The following TEPSIN variants were observed in gnomAD, a reference collection of about 807,000 sequenced individuals.
The protein encoded by TEPSIN is AP-4 complex accessory subunit tepsin.
In TEPSIN, 50 loss-of-function variants were observed where a neutral mutation model predicts 48.5. The observed-to-expected ratio is 1.03, with a 90% CI of 0.82 to 1.31. The LOEUF (loss-of-function observed/expected upper bound fraction) is 1.31. Ranked by LOEUF, TEPSIN falls within the 50% of genes most tolerant of loss-of-function variation. The pLI, the probability that TEPSIN is intolerant of heterozygous loss-of-function variation, is 0.00. For synonymous variants in TEPSIN, 392 were observed against 358.8 expected (o/e 1.09, Z -1.05); for missense variants, 838 against 815.9 (o/e 1.03, Z -0.33).
At chr17:81,237,335 G>A (rs2062741418) in intron 2 of TEPSIN, 52 bp downstream of exon 2, 2 of 1,580,132 alleles carry the variant, frequency 1.3e-6, no homozygotes, top group African/African-American at 1.3e-5. Context: ...GCACCACTCT[G>A]GGACCCTGCC....
rs1050408981 is a variant in TEPSIN at position 81,238,926 on chromosome 17, G to A, written c.48+60C>T. 3.6e-6 allele frequency: 5 copies of A among 1,400,682 alleles called. No homozygotes were observed. In the African/African-American group the frequency reaches 6.1e-5, roughly 17 times the overall value. The allele number at this position is 1,400,682 out of a possible 1,614,324, so 86.8% of individuals were successfully genotyped here. On this transcript the variant is annotated intron_variant, in intron 1 of 12. Transcript: ENST00000637944. ...TGGCTCCGGCCCGGGGCGAGTCCGG[G>A]GAATGCGGCGCTCGAGAGGAGCCGT...
chr17:81,237,353 C>A, intron 2 of TEPSIN, 34 bp downstream of exon 2: 2 of 1,603,274 alleles, frequency 1.2e-6, no homozygotes, highest in South Asian at 1.1e-5. Flanking sequence ...GCCATCCGCT[C>A]TTTCCACTAC....
chr17:81,235,295 T>C (rs1298556204), intron 4 of TEPSIN, among the ~76,000 whole-genome samples: 1 of 152,238 alleles, frequency 6.6e-6, no homozygotes, highest in East Asian at 1.9e-4. Flanking sequence ...CTGCGTTTTC[T>C]TTCCTCTTTC....
chr17:81,229,764 C>T, intron 12 of TEPSIN: 1 of 477,122 alleles, frequency 2.1e-6, no homozygotes, highest in Non-Finnish European at 3.7e-6. Flanking sequence ...CCCGTCATAA[C>T]CCGCCAGGCA....
At chr17:81,236,517 G>A (rs2062722996) in intron 4 of TEPSIN, 191 bp downstream of exon 4, 4 of 656,634 alleles carry the variant, frequency 6.1e-6, no homozygotes, top group Non-Finnish European at 1.0e-5. Flanking sequence ...GAGCCGGCCA[G>A]CTGGGGTGAG....
At chr17:81,236,868 G>T in intron 3 of TEPSIN, 67 bp from the exon 4 acceptor site, 2 of 1,538,454 alleles carry the variant, frequency 1.3e-6, no homozygotes, top group South Asian at 2.4e-5. Flanking sequence ...AGGGCCCGGG[G>T]GCACCCCAAG....
At chr17:81,236,866 G>A in intron 3 of TEPSIN, 65 bp from the exon 4 acceptor site, 1 of 1,539,588 alleles carries the variant, frequency 6.5e-7, no homozygotes, top group Non-Finnish European at 8.8e-7. Context: ...GCAGGGCCCG[G>A]GGGCACCCCA....
intron 11 of TEPSIN, 53 bp downstream of exon 11, chr17:81,231,345 G>A (rs1024140187): frequency 1.5e-4 from 213 of 1,452,832 alleles, no homozygotes; most frequent in Middle Eastern, 2.5e-4. Context: ...GCACACACAC[G>A]CACACAGGCA....
At chr17:81,238,838 C>G (rs2146858720) in intron 1 of TEPSIN, 148 bp downstream of exon 1, 1 of 1,349,548 alleles carries the variant, frequency 7.4e-7, no homozygotes, top group East Asian at 3.1e-5. Context: ...GCGGGCAGCT[C>G]AGGGGCGTCG....
Position 81,229,068 on chromosome 17 carries a change from G to C in TEPSIN, c.1642C>G (p.Pro548Ala). ...GCAGCCCCAGCCCCCACCAGGCGGGGACAGGCCACCAGCTCCATGCCAGCA... is the reference window on the plus strand; with the variant it reads ...GCAGCCCCAGCCCCCACCAGGCGGGCACAGGCCACCAGCTCCATGCCAGCA... ...LFAGMELVAC[P>A]RLVGAGAAAG... The change falls in exon 13 of 13, where the codon CCC (proline) becomes GCC (alanine). Residue 548 changes from proline to alanine, a missense_variant. Transcript: ENST00000637944. 1 of 1,613,570 alleles carries C rather than the reference G, an allele frequency of 6.2e-7. No individual in the cohort carries two copies. The highest frequency in any genetic ancestry group is 8.5e-7 in the Non-Finnish European group (1 of 1,179,988).
At chr17:81,237,506 C>A (rs752197689) in intron 1 of TEPSIN, 47 bp from the exon 2 acceptor site, 1 of 1,563,752 alleles carries the variant, frequency 6.4e-7, no homozygotes, top group Non-Finnish European at 8.7e-7. Flanking sequence ...CCATTTCCCA[C>A]AGGGGTGAAT....
chr17:81,236,970 A>G lies in TEPSIN; in HGVS notation c.213+10T>C, dbSNP rs1321264976. On this transcript the variant is annotated intron_variant, in intron 3 of 12. Coordinates refer to ENST00000637944, the MANE Select transcript of TEPSIN (RefSeq NM_001363764.2). Reference sequence around the variant, plus strand: ...CCTCAGGCCTGACCCTTGACCACCCAGGGGCTCACCTTGAGCTTCCCGTGG... The same window carrying G: ...CCTCAGGCCTGACCCTTGACCACCCGGGGGCTCACCTTGAGCTTCCCGTGG... 1 of 1,569,344 alleles carries G rather than the reference A, an allele frequency of 6.4e-7. No individual in the cohort carries two copies. The highest frequency in any genetic ancestry group is 1.2e-5 in the South Asian group (1 of 85,946).
chr17:81,230,994 T>A lies in TEPSIN; in HGVS notation c.1099-316A>T. On this transcript the variant is annotated intron_variant, in intron 11 of 12. Coordinates refer to ENST00000637944, the MANE Select transcript of TEPSIN (RefSeq NM_001363764.2). The surrounding 1 kb of genome is among the most constrained non-coding windows in gnomAD (Gnocchi z 4.2). ...TGGACAGACCCCAGCGAGAAGCACGTGACCTGCTGCCCCGATTGCCTTACC... is the reference window on the plus strand; with the variant it reads ...TGGACAGACCCCAGCGAGAAGCACGAGACCTGCTGCCCCGATTGCCTTACC... 2.0e-6 allele frequency: 1 copy of A among 502,946 alleles called. No individual in the cohort carries two copies. Among genetic ancestry groups the A allele is most frequent in the African/African-American group, 2.0e-5 (1 of 50,984 alleles). The allele number at this position is 502,946 out of a possible 1,614,324, so 31.2% of individuals were successfully genotyped here.
At chr17:81,232,193 C>T (rs758897721) in intron 8 of TEPSIN, 122 bp downstream of exon 8, 214 of 1,323,080 alleles carry the variant, frequency 1.6e-4, no homozygotes, top group Admixed American at 3.8e-4. Flanking sequence ...GTGCTTCCGC[C>T]GCGGGTCCCA....
chr17:81,233,540 C>G lies in TEPSIN; in HGVS notation c.455-37G>C. On this transcript the variant is annotated intron_variant, in intron 6 of 12. Transcript: ENST00000637944. The surrounding 1 kb of genome is among the most constrained non-coding windows in gnomAD (Gnocchi z 5.8). ...CCTCCGTTAGCAGCAAGCCGGCCCC[C>G]ACCCTCGGCCCTGCCCACGGATGGC... 6.4e-7 allele frequency: 1 copy of G among 1,566,532 alleles called. No individual in the cohort carries two copies. The highest frequency in any genetic ancestry group is 1.3e-5 in the African/African-American group (1 of 74,146).
Position 81,230,928 on chromosome 17 carries a change from C to CCCCGGAT in TEPSIN, c.1099-251_1099-250insATCCGGG. On this transcript the variant is annotated intron_variant, in intron 11 of 12. Transcript: ENST00000637944. This position sits in a 1 kb window ranked among gnomAD's most constrained non-coding sequence, Gnocchi z 4.2. ...AGAGCCCTGTCTTCACCGCCTTACACCCCAGCTCCCGGACACCAGAGCCAT... is the reference window on the plus strand; with the variant it reads ...AGAGCCCTGTCTTCACCGCCTTACACCCCGGATCCCAGCTCCCGGACACCAGAGCCAT... The CCCCGGAT allele has an allele frequency of 1.8e-6, 1 of 552,710 alleles. No homozygotes were observed. Among genetic ancestry groups the CCCCGGAT allele is most frequent in the South Asian group, 2.4e-5 (1 of 42,408 alleles). 34.2% of individuals were successfully genotyped at this position (552,710 alleles called of 1,614,324 possible).
At chr17:81,229,636 C>G (rs1007081962) in intron 12 of TEPSIN, 160 bp from the exon 13 acceptor site, 12 of 730,908 alleles carry the variant, frequency 1.6e-5, no homozygotes, top group Non-Finnish European at 2.5e-5. Context: ...GGGCAGTGCA[C>G]CCAGTTGTCA....
At position 81,231,864 on chromosome 17, in the gene TEPSIN, C is replaced by T. The variant is rs745778838; in HGVS notation, c.888G>A (p.Pro296=). The change falls in exon 9 of 13, where the codon CCG becomes CCA. Residue 296 remains proline, a synonymous_variant. Transcript: ENST00000637944. ...SDSHSGASRE[P]GDLAERVEVV... ...CCGCTCACCTTTCTGCCAGGTCACCCGGCTCCCGGCTGGCCCCTGAATGGC... is the reference window on the plus strand; with the variant it reads ...CCGCTCACCTTTCTGCCAGGTCACCTGGCTCCCGGCTGGCCCCTGAATGGC... The T allele has an allele frequency of 1.7e-5, 27 of 1,613,336 alleles. No homozygotes were observed. In the East Asian group the frequency reaches 2.2e-4, roughly 13 times the overall value.
chr17:81,228,785 G>T lies in TEPSIN; in HGVS notation c.*143C>A, dbSNP rs1370901293. 1 of 977,842 alleles carries T rather than the reference G, an allele frequency of 1.0e-6. No individual in the cohort carries two copies. The highest frequency in any genetic ancestry group is 1.5e-6 in the Non-Finnish European group (1 of 659,276). 60.6% of individuals were successfully genotyped at this position (977,842 alleles called of 1,614,324 possible). A position where few individuals can be genotyped will look rare whatever the true frequency, so the allele number is the denominator to read the frequency against. ...AGCCAGAGCCTCTGGCAGAGGAGAT[G>T]GGGGAAACTGAGGTAGCCCTAGGGT... On this transcript the variant is annotated 3_prime_UTR_variant, in exon 13 of 13. Coordinates refer to ENST00000637944, the MANE Select transcript of TEPSIN (RefSeq NM_001363764.2).
Sources: gnomAD v4.1 joint callset for allele counts (sites outside exome capture counted in the v4.1 genomes callset) on GRCh38, gnomAD v4.1.1 for gene constraint, Gnocchi (gnomAD v3.1) non-coding constraint, MANE v1.5 for transcripts, NCBI Gene and HGNC (gene_info 2026-07-23, HGNC 2026-07-21) for gene names.